The following DNAH11 variants were observed in gnomAD, a reference collection of about 807,000 sequenced individuals.
The protein encoded by DNAH11 is axonemal beta dynein heavy chain 11.
A neutral mutation model predicts 526.0 loss-of-function variants in DNAH11; 442 were observed. The observed-to-expected ratio is 0.84, with a 90% CI of 0.78 to 0.91. The LOEUF is 0.91. DNAH11 is among the 40% of genes least tolerant of loss of function. DNAH11 has a pLI of 0.00. For synonymous variants in DNAH11, 2,461 were observed against 1,935.9 expected, an observed-to-expected ratio of 1.27 and a Z score of -7.12; for missense variants, 6,989 against 5,448.7, an observed-to-expected ratio of 1.28 and a Z score of -8.90.
At chr7:21,765,878 C>T (rs1201637930) in intron 55 of DNAH11, among the ~76,000 whole-genome samples, 1 of 152,198 alleles carries the variant, frequency 6.6e-6, no homozygotes, top group Non-Finnish European at 1.5e-5. Context: ...TGCACTGACT[C>T]ACTGGAAGCC....
intron 2 of DNAH11, among the ~76,000 whole-genome samples, chr7:21,549,368 A>G (rs1782930453): frequency 6.6e-6 from 1 of 152,222 alleles, no homozygotes; most frequent in African/African-American, 2.4e-5. Context: ...TGACCCAGGC[A>G]TTCATATTCC....
At chr7:21,880,659 C>T in intron 74 of DNAH11, 43 bp from the exon 75 acceptor site, 1 of 1,606,694 alleles carries the variant, frequency 6.2e-7, no homozygotes, top group South Asian at 1.1e-5. Flanking sequence ...CTCTTGGAAA[C>T]CATACAGATG....
At chr7:21,834,639 C>T (rs781348621) in intron 65 of DNAH11, among the ~76,000 whole-genome samples, 20 of 152,030 alleles carry the variant, frequency 1.3e-4, no homozygotes, top group Non-Finnish European at 2.5e-4. Flanking sequence ...TTGAGATCAA[C>T]CTGGTCAACA....
chr7:21,834,996 C>T (rs943915773), intron 65 of DNAH11, among the ~76,000 whole-genome samples: 2 of 151,990 alleles, frequency 1.3e-5, no homozygotes, highest in African/African-American at 4.8e-5. Context: ...TATATGCCAA[C>T]AAAATAGAAA....
intron 28 of DNAH11, among the ~76,000 whole-genome samples, chr7:21,639,362 G>T (rs1787017497): frequency 6.6e-6 from 1 of 152,180 alleles, no homozygotes; most frequent in Non-Finnish European, 1.5e-5. Flanking sequence ...TCTGGGACAA[G>T]AACTGGGACA....
intron 49 of DNAH11, among the ~76,000 whole-genome samples, chr7:21,743,145 A>G (rs1479854906): frequency 2.0e-5 from 3 of 152,242 alleles, no homozygotes; most frequent in Non-Finnish European, 4.4e-5. Context: ...CGTTCAGGCC[A>G]TGGCATATGG....
At chr7:21,830,892 T>G (rs1035957066) in intron 65 of DNAH11, among the ~76,000 whole-genome samples, 4 of 152,206 alleles carry the variant, frequency 2.6e-5, no homozygotes, top group African/African-American at 9.7e-5. Context: ...AATAATTTTA[T>G]TTCTGTTCTG....
rs776909112 is a variant in DNAH11, at chr7:21,559,688, A to G, written c.778A>G (p.Arg260Gly). The G allele has an allele frequency of 1.3e-5, 21 of 1,611,576 alleles. 1 individual carries two copies. The South Asian group carries it at 2.1e-4, about 16-fold the overall frequency. ...ACATCAAATCCAAGAAATTATAGAA[A>G]GAGATTCAGTGCAGCGTTTGTTGAA... ...WSHQIQEIIE[R>G]DSVQRLLNGL... is the part of the protein sequence containing the mutation. The change falls in exon 4 of 82, where the codon AGA (arginine) becomes GGA (glycine). Residue 260 changes from arginine to glycine, a missense_variant. By Grantham distance (125) the Arg-to-Gly change is moderately radical. Transcript: ENST00000409508.
chr7:21,795,621 ATTTG>A (rs1275489645), intron 61 of DNAH11, among the ~76,000 whole-genome samples: 18 of 152,236 alleles, frequency 1.2e-4, no homozygotes, highest in Non-Finnish European at 2.2e-4. Context: ...TAAAAGGTTT[ATTTG>A]TTCTAGTTGA....
Position 21,901,402 on chromosome 7 carries a change from GAAA to G in DNAH11, c.*153_*155del. The G allele has an allele frequency of 8.7e-7, 1 of 1,154,722 alleles. No individual in the cohort carries two copies. The highest frequency in any genetic ancestry group is 2.9e-5 in the East Asian group (1 of 34,010). 71.5% of individuals were successfully genotyped at this position (1,154,722 alleles called of 1,614,324 possible). A position where few individuals can be genotyped will look rare whatever the true frequency, so the allele number is the denominator to read the frequency against. The stretch of plus-strand genomic sequence containing the variant: ...AACGCTATCCTTAGAGTGAAAGTCA[GAAA>G]AAAATACTAGAAACTAACTCAGGGC... On this transcript the variant is annotated 3_prime_UTR_variant, in exon 82 of 82. Coordinates refer to ENST00000409508, the MANE Select transcript of DNAH11 (RefSeq NM_001277115.2).
chr7:21,746,007 A>G (rs890539175), intron 51 of DNAH11, among the ~76,000 whole-genome samples: 1 of 152,202 alleles, frequency 6.6e-6, no homozygotes, highest in Admixed American at 6.5e-5. Flanking sequence ...AAAAATGGAG[A>G]GGCAGGAACT....
chr7:21,693,770 C>G (rs936406535), intron 35 of DNAH11, among the ~76,000 whole-genome samples: 1 of 151,998 alleles, frequency 6.6e-6, no homozygotes, highest in African/African-American at 2.4e-5. Context: ...TTAGTCCATT[C>G]TCACACTGCT....
At chr7:21,666,860 T>A (rs1782440758) in intron 30 of DNAH11, among the ~76,000 whole-genome samples, 1 of 151,590 alleles carries the variant, frequency 6.6e-6, no homozygotes, top group Non-Finnish European at 1.5e-5. Flanking sequence ...ACTCTCTACC[T>A]CCCCTCTCAT....
At chr7:21,899,881 C>T (rs2128052209) in intron 80 of DNAH11, 99 bp from the exon 81 acceptor site, 1 of 1,432,286 alleles carries the variant, frequency 7.0e-7, no homozygotes, top group East Asian at 2.4e-5. Context: ...GAACCTAAAA[C>T]ACCCTATGGG....
intron 45 of DNAH11, among the ~76,000 whole-genome samples, chr7:21,734,281 G>C (rs1274037042): frequency 6.6e-6 from 1 of 152,202 alleles, no homozygotes. Flanking sequence ...TACATGTAAA[G>C]TGCTTAGCAT....
intron 28 of DNAH11, among the ~76,000 whole-genome samples, chr7:21,654,691 A>G (rs989605220): frequency 6.6e-6 from 1 of 152,164 alleles, no homozygotes; most frequent in African/African-American, 2.4e-5. Context: ...TTTTATTTGC[A>G]CCGTGAATAA....
chr7:21,806,763 C>A (rs1459593602), intron 62 of DNAH11, among the ~76,000 whole-genome samples: 1 of 152,130 alleles, frequency 6.6e-6, no homozygotes, highest in Non-Finnish European at 1.5e-5. Flanking sequence ...GTGAACTACC[C>A]TGCAGTTCAG....
At chr7:21,558,091 A>G (rs985841752) in intron 2 of DNAH11, among the ~76,000 whole-genome samples, 1 of 152,212 alleles carries the variant, frequency 6.6e-6, no homozygotes, top group Non-Finnish European at 1.5e-5. Context: ...GGCTAATTCA[A>G]GTTTTATAGT....
intron 65 of DNAH11, 67 bp downstream of exon 65, chr7:21,818,406 C>T (rs1467746424): frequency 6.5e-7 from 1 of 1,537,684 alleles, no homozygotes; most frequent in Non-Finnish European, 8.8e-7. Context: ...CATCTCTTAG[C>T]TTCATAGTCA....
Sources: gnomAD v4.1 joint callset for allele counts (sites outside exome capture counted in the v4.1 genomes callset) on GRCh38, gnomAD v4.1.1 for gene constraint, MANE v1.5 for transcripts, NCBI Gene and HGNC (gene_info 2026-07-23, HGNC 2026-07-21) for gene names.